Variants in ZNF445 observed in about 807,000 individuals in gnomAD.
The protein encoded by ZNF445 is zinc finger protein 445, also known as zinc finger protein 168.
A neutral mutation model predicts 93.9 loss-of-function variants in ZNF445; 19 were observed. The observed-to-expected ratio is 0.20, with a 90% CI of 0.14 to 0.30. The LOEUF is 0.30. ZNF445 is among the 10% of genes least tolerant of loss of function. The probability of loss-of-function intolerance (pLI) is 1.00; values close to 1 mark genes in which losing one functional copy is unlikely to be tolerated. For synonymous variants in ZNF445, 449 were observed against 446.3 expected (o/e 1.01, Z -0.08); for missense variants, 1,058 against 1,259.4 (o/e 0.84, Z 2.42).
rs1436436893 is a variant in ZNF445 at position 44,433,731 on chromosome 3, T to A, written c.*12844A>T. 1 of 152,216 alleles carries A rather than the reference T, an allele frequency of 6.6e-6. No homozygotes were observed. Among genetic ancestry groups the A allele is most frequent in the Non-Finnish European group, 1.5e-5 (1 of 68,058 alleles). The allele number at this position is 152,216 out of a possible 1,614,324, so 9.4% of individuals were successfully genotyped here. Reference sequence around the variant, plus strand: ...TCACGCCATGGCAAAAGCATCTCCATCAGGCAGGACTGGCTTCACAGGCAG... The same window carrying A: ...TCACGCCATGGCAAAAGCATCTCCAACAGGCAGGACTGGCTTCACAGGCAG... On this transcript the variant is annotated 3_prime_UTR_variant, in exon 8 of 8. Transcript: ENST00000396077.
At chr3:44,459,554 C>G (rs1156366197) in intron 1 of ZNF445, among the ~76,000 whole-genome samples, 1 of 152,076 alleles carries the variant, frequency 6.6e-6, no homozygotes. Flanking sequence ...CAAGAATAGC[C>G]AAGATAACTT....
intron 1 of ZNF445, among the ~76,000 whole-genome samples, chr3:44,459,070 G>A (rs1698071084): frequency 6.6e-6 from 1 of 152,162 alleles, no homozygotes; most frequent in African/African-American, 2.4e-5. Flanking sequence ...CTGCACTTGT[G>A]GAGGCTTGCA....
rs780317345 is a variant in ZNF445, at chr3:44,449,560, T to C, written c.884A>G (p.Asn295Ser). The C allele has an allele frequency of 8.7e-6, 14 of 1,614,048 alleles. No individual in the cohort carries two copies. Among genetic ancestry groups the C allele is most frequent in the Admixed American group, 1.7e-5 (1 of 60,002 alleles). ...CCCCTTAGGCTGAGCTGCCTGCATG[T>C]TCAGGCCCCATGGCTCCCTTGCTTC... is the stretch of plus-strand genomic sequence containing the variant. ...WLEAREPWGL[N>S]MQAAQPKGNP... Residue 295 changes from asparagine (N) to serine (S), a missense_variant, in exon 7 of 8, where the codon AAC becomes AGC. This residue lies in a region of ZNF445 where 657 missense variants were observed against 746.4 expected (regional missense o/e 0.88). Coordinates refer to ENST00000396077, the MANE Select transcript of ZNF445 (RefSeq NM_181489.6).
chr3:44,475,691 G>A (rs1698338701), intron 1 of ZNF445, among the ~76,000 whole-genome samples: 1 of 152,158 alleles, frequency 6.6e-6, no homozygotes, highest in Non-Finnish European at 1.5e-5. Flanking sequence ...AACAGTGACA[G>A]CTGCTACATA....
At chr3:44,453,177 C>T (rs911430190) in intron 3 of ZNF445, among the ~76,000 whole-genome samples, 1 of 152,004 alleles carries the variant, frequency 6.6e-6, no homozygotes, top group Non-Finnish European at 1.5e-5. Context: ...TCCCAAAGTG[C>T]TGGGATTACA....
At chr3:44,477,121 G>T (rs1166150685) in intron 1 of ZNF445, among the ~76,000 whole-genome samples, 1 of 152,128 alleles carries the variant, frequency 6.6e-6, no homozygotes, top group Non-Finnish European at 1.5e-5. Flanking sequence ...GCACAATATT[G>T]TTTCCTCACA....
Sources: gnomAD v4.1 joint callset for allele counts (sites outside exome capture counted in the v4.1 genomes callset) on GRCh38, gnomAD v4.1.1 for gene constraint, gnomAD v4.1.1 regional missense constraint, MANE v1.5 for transcripts, NCBI Gene and HGNC (gene_info 2026-07-23, HGNC 2026-07-21) for gene names.